Variants in CSMD1 observed in about 807,000 individuals in gnomAD.
CSMD1 encodes CUB and sushi domain-containing protein 1.
CSMD1 carries 213 observed loss-of-function variants against 417.5 expected under a neutral mutation model. The ratio of observed to expected loss-of-function variants is 0.51; its 90% CI spans 0.46 to 0.57. The LOEUF (loss-of-function observed/expected upper bound fraction) is 0.57, where lower values mean the gene tolerates loss of function less well. CSMD1 is among the 20% of genes least tolerant of loss of function. The probability of loss-of-function intolerance (pLI) is 0.00; values close to 1 mark genes in which losing one functional copy is unlikely to be tolerated. For synonymous variants in CSMD1, 2,862 were observed against 1,736.8 expected, an observed-to-expected ratio of 1.65 and a Z score of -16.11; for missense variants, 6,923 against 4,529.7, an observed-to-expected ratio of 1.53 and a Z score of -15.17.
intron 6 of CSMD1, among the ~76,000 whole-genome samples, chr8:3,733,990 G>A (rs138250133): frequency 6.6e-6 from 1 of 152,216 alleles, no homozygotes; most frequent in Admixed American, 6.5e-5. Context: ...GGGGATGTCT[G>A]TACGTGTGCA....
chr8:3,435,520 T>A (rs1041749368), intron 12 of CSMD1, among the ~76,000 whole-genome samples: 2 of 151,990 alleles, frequency 1.3e-5, no homozygotes, highest in Non-Finnish European at 2.9e-5. Context: ...TCTGTCCACC[T>A]CTCCACTCTG....
chr8:3,762,057 T>A (rs2129056247), intron 5 of CSMD1, among the ~76,000 whole-genome samples: 1 of 152,216 alleles, frequency 6.6e-6, no homozygotes, highest in East Asian at 1.9e-4. Context: ...GTCAATTTTT[T>A]AAATGAAAAA....
chr8:4,793,020 A>G (rs1585107117), intron 1 of CSMD1, among the ~76,000 whole-genome samples: 1 of 152,086 alleles, frequency 6.6e-6, no homozygotes, highest in Non-Finnish European at 1.5e-5. Flanking sequence ...CCACACACAT[A>G]CATAAGCCAT....
intron 3 of CSMD1, among the ~76,000 whole-genome samples, chr8:4,347,365 G>T (rs559223935): frequency 2.0e-5 from 3 of 152,220 alleles, no homozygotes; most frequent in Admixed American, 6.5e-5. Context: ...GATACTCTCT[G>T]CTCTTTGATT....
chr8:4,728,771 A>G (rs1316773309), intron 1 of CSMD1, among the ~76,000 whole-genome samples: 1 of 152,162 alleles, frequency 6.6e-6, no homozygotes, highest in African/African-American at 2.4e-5. Context: ...AAAAAAAAAT[A>G]ACCAGATGTC....
intron 1 of CSMD1, among the ~76,000 whole-genome samples, chr8:4,758,472 G>C (rs921938028): frequency 2.6e-5 from 4 of 152,158 alleles, no homozygotes; most frequent in African/African-American, 7.2e-5. Flanking sequence ...AAGGAGCTCA[G>C]AAAAGAAAGA....
chr8:4,719,233 T>C (rs536881255), intron 1 of CSMD1, among the ~76,000 whole-genome samples: 3 of 152,216 alleles, frequency 2.0e-5, no homozygotes, highest in Admixed American at 2.0e-4. Context: ...ATTGTCATGT[T>C]TTAGATTTTG....
intron 5 of CSMD1, among the ~76,000 whole-genome samples, chr8:3,953,460 T>C (rs1259511757): frequency 6.6e-6 from 1 of 152,166 alleles, no homozygotes; most frequent in Non-Finnish European, 1.5e-5. Flanking sequence ...GAAGAGACCA[T>C]AAACACACAC....
At position 4,975,021 on chromosome 8, in the gene CSMD1, A is replaced by C. The variant is rs563327261; in HGVS notation, c.85+19311T>G. Among the ~76,000 whole-genome samples the C allele has an allele frequency of 3.9e-5, 6 of 152,308 alleles. No homozygotes were observed. In the South Asian group the frequency reaches 1.0e-3, roughly 26 times the overall value. ...AATGGATGTTTTTTTCTAGAGCTCTACTAGAAGGCATTCACATACAGCAGG... is the reference window on the plus strand; with the variant it reads ...AATGGATGTTTTTTTCTAGAGCTCTCCTAGAAGGCATTCACATACAGCAGG... On this transcript the variant is annotated intron_variant, in intron 1 of 69. Transcript: ENST00000635120.
chr8:3,532,531 A>G (rs951052387), intron 10 of CSMD1, among the ~76,000 whole-genome samples: 1 of 152,122 alleles, frequency 6.6e-6, no homozygotes, highest in Non-Finnish European at 1.5e-5. Flanking sequence ...AGGACTTTAG[A>G]TCACCTTATT....
At chr8:3,364,913 G>A (rs1360547525) in intron 20 of CSMD1, among the ~76,000 whole-genome samples, 1 of 152,190 alleles carries the variant, frequency 6.6e-6, no homozygotes, top group Non-Finnish European at 1.5e-5. Flanking sequence ...CCTGTGGTGA[G>A]GGCACCAGAA....
At chr8:3,430,015 T>A (rs1207868561) in intron 12 of CSMD1, among the ~76,000 whole-genome samples, 1 of 152,208 alleles carries the variant, frequency 6.6e-6, no homozygotes, top group South Asian at 2.1e-4. Flanking sequence ...TGTACAAATT[T>A]AATTATAAAA....
At chr8:4,363,614 C>T (rs945181538) in intron 3 of CSMD1, among the ~76,000 whole-genome samples, 6 of 152,196 alleles carry the variant, frequency 3.9e-5, no homozygotes, top group African/African-American at 9.7e-5. Flanking sequence ...ACAACATCAA[C>T]GTCCCTGGGA....
At chr8:3,587,644 G>A (rs1033602922) in intron 8 of CSMD1, among the ~76,000 whole-genome samples, 15 of 152,228 alleles carry the variant, frequency 9.9e-5, no homozygotes, top group Admixed American at 2.0e-4. Flanking sequence ...GATTGCCATG[G>A]ATGTCGGCAA....
At chr8:4,945,794 G>A (rs1431879883) in intron 1 of CSMD1, among the ~76,000 whole-genome samples, 3 of 152,122 alleles carry the variant, frequency 2.0e-5, no homozygotes, top group Admixed American at 6.6e-5. Flanking sequence ...TGACGGATGA[G>A]GTTAAGTAGG....
chr8:4,226,373 A>G (rs555996835), intron 3 of CSMD1, among the ~76,000 whole-genome samples: 1 of 152,346 alleles, frequency 6.6e-6, no homozygotes, highest in East Asian at 1.9e-4. Context: ...CATTTTGCAT[A>G]TACAATTACA....
At chr8:3,521,693 A>T (rs1220034405) in intron 10 of CSMD1, among the ~76,000 whole-genome samples, 1 of 152,214 alleles carries the variant, frequency 6.6e-6, no homozygotes, top group Non-Finnish European at 1.5e-5. Flanking sequence ...AAGGTCATCA[A>T]CCATGACCAG....
intron 12 of CSMD1, among the ~76,000 whole-genome samples, chr8:3,427,114 G>T (rs73174819): frequency 6.6e-6 from 1 of 152,126 alleles, no homozygotes; most frequent in African/African-American, 2.4e-5. Flanking sequence ...ACTCTACTTG[G>T]CCTCTCCTTT....
chr8:4,017,541 G>C (rs137871563), intron 4 of CSMD1, among the ~76,000 whole-genome samples: 94 of 152,244 alleles, frequency 6.2e-4, no homozygotes, highest in African/African-American at 2.2e-3. Flanking sequence ...CCCGATCTCA[G>C]ATGATCCACC....
Sources: allele counts gnomAD v4.1 joint callset (sites outside exome capture counted in the v4.1 genomes callset), GRCh38; gene constraint gnomAD v4.1.1; transcripts MANE v1.5; gene names NCBI Gene and HGNC (gene_info 2026-07-23, HGNC 2026-07-21).